FAM156A: variants seen among roughly 807,000 people sequenced by gnomAD.
The protein encoded by FAM156A is protein FAM156A/FAM156B.
intron 1 of FAM156A, among the ~76,000 whole-genome samples, chrX:52,978,935 G>A (rs1269947250): frequency 2.7e-5 from 3 of 112,109 alleles, no homozygotes; most frequent in African/African-American, 9.7e-5. Context: ...TAGAACCTAG[G>A]ATCTTTTAAA....
At chrX:52,977,103 C>T (rs868936921) in intron 1 of FAM156A, among the ~76,000 whole-genome samples, 5 of 96,385 alleles carry the variant, frequency 5.2e-5, no homozygotes, top group African/African-American at 1.5e-4. Context: ...CACACACACA[C>T]ACATATATAT....
At chrX:52,993,163 C>G (rs1376765317) in intron 1 of FAM156A, among the ~76,000 whole-genome samples, 2 of 111,041 alleles carry the variant, frequency 1.8e-5, no homozygotes, top group African/African-American at 6.6e-5. Context: ...CTTGGATGAG[C>G]CTTTCTTTAC....
intron 1 of FAM156A, among the ~76,000 whole-genome samples, chrX:52,990,763 G>A (rs1930649854): frequency 3.1e-5 from 3 of 98,347 alleles, no homozygotes; most frequent in South Asian, 4.4e-4. Flanking sequence ...CAGAGTGGGC[G>A]ATAGAGTGAG....
chrX:52,990,797 GAAAGAAAAGAAAAGAAAAGAAAAGA>G (rs782744600), intron 1 of FAM156A, among the ~76,000 whole-genome samples: 64 of 69,594 alleles, frequency 9.2e-4, no homozygotes, highest in East Asian at 3.2e-3. Flanking sequence ...GAAAAGAAAA[GAAAGAAAAGAAAAGAAAAGAAAAGA>G]AAAGAAAAGA....
chrX:52,984,932 T>C (rs1257972994), intron 1 of FAM156A, among the ~76,000 whole-genome samples: 3 of 109,531 alleles, frequency 2.7e-5, no homozygotes, highest in Non-Finnish European at 5.7e-5. Context: ...GAGGAAAAGA[T>C]GAACAAATTT....
At chrX:52,978,350 A>G (rs1929631766) in intron 1 of FAM156A, among the ~76,000 whole-genome samples, 1 of 112,072 alleles carries the variant, frequency 8.9e-6, no homozygotes, top group South Asian at 3.7e-4. Flanking sequence ...CTTAGAATTT[A>G]TTGGAAACTG....
intron 1 of FAM156A, among the ~76,000 whole-genome samples, chrX:52,984,516 T>A (rs2146615074): frequency 8.9e-6 from 1 of 112,284 alleles, no homozygotes; most frequent in East Asian, 2.8e-4. Flanking sequence ...CTAAGGGAAG[T>A]CTCAGGCTTC....
intron 1 of FAM156A, among the ~76,000 whole-genome samples, chrX:52,977,087 T>TACAC (rs1256059149): frequency 1.6e-4 from 15 of 93,992 alleles, no homozygotes; most frequent in Non-Finnish European, 2.4e-4. Flanking sequence ...TACATATATA[T>TACAC]ACACACACAC....
At chrX:52,993,938 T>C (rs372272533) in intron 1 of FAM156A, among the ~76,000 whole-genome samples, 1 of 110,945 alleles carries the variant, frequency 9.0e-6, no homozygotes, top group African/African-American at 3.3e-5. Flanking sequence ...CCCTCCAAGA[T>C]GGATATTGGC....
chrX:52,990,519 C>T (rs368866664), intron 1 of FAM156A, among the ~76,000 whole-genome samples: 1 of 111,293 alleles, frequency 9.0e-6, no homozygotes, highest in Non-Finnish European at 1.9e-5. Context: ...TACGGTGGCT[C>T]ATGCCTGTAA....
chrX:52,982,247 A>G, intron 1 of FAM156A, among the ~76,000 whole-genome samples: 1 of 112,617 alleles, frequency 8.9e-6, no homozygotes, highest in South Asian at 3.6e-4. Context: ...TGATGTCAGG[A>G]GTTCAAGACC....
chrX:52,974,200 C>A (rs1308427469), intron 1 of FAM156A, among the ~76,000 whole-genome samples: 1 of 111,845 alleles, frequency 8.9e-6, no homozygotes, highest in African/African-American at 3.3e-5. Flanking sequence ...CATAGGTAGA[C>A]ATATAATGTA....
At chrX:52,978,159 G>A (rs1212230855) in intron 1 of FAM156A, among the ~76,000 whole-genome samples, 1 of 111,151 alleles carries the variant, frequency 9.0e-6, no homozygotes, top group African/African-American at 3.3e-5. Flanking sequence ...ACCCTGTAAG[G>A]AAAGCTGAAT....
rs374446208 is a variant in FAM156A at position 52,983,762 on chromosome X, G to A, written c.-434+11544C>T. On this transcript the variant is annotated intron_variant, in intron 1 of 4. Transcript: ENST00000610625. Reference sequence around the variant, plus strand: ...CACAATCTCCGGCATGGCAAAAGACGCCAAGGAATGCAGTGATCCAAGTCT... The same window carrying A: ...CACAATCTCCGGCATGGCAAAAGACACCAAGGAATGCAGTGATCCAAGTCT... Among the ~76,000 whole-genome samples the A allele has an allele frequency of 8.0e-5, 9 of 112,240 alleles. No individual in the cohort carries two copies. In the East Asian group the frequency reaches 1.7e-3, roughly 21 times the overall value.
Position 52,992,448 on chromosome X carries a change from G to A in FAM156A, c.-434+2858C>T, listed in dbSNP as rs1190739691. 7.3e-4 allele frequency among the ~76,000 whole-genome samples: 81 copies of A among 111,487 alleles called. 1 individual carries two copies. The highest frequency in any genetic ancestry group is 3.8e-5 in the Non-Finnish European group (2 of 53,012). On this transcript the variant is annotated intron_variant, in intron 1 of 4. Coordinates refer to the FAM156A transcript ENST00000610625. ...GCCTCTGGAGCCTCCAGGATAGAAGGCAAGACCTGGAGCCCAGGGGAGGTT... is the reference window on the plus strand; with the variant it reads ...GCCTCTGGAGCCTCCAGGATAGAAGACAAGACCTGGAGCCCAGGGGAGGTT...
intron 1 of FAM156A, among the ~76,000 whole-genome samples, chrX:52,975,149 G>A (rs1327533466): frequency 2.0e-4 from 22 of 109,502 alleles, no homozygotes; most frequent in Admixed American, 5.9e-4. Context: ...CACCTGACCT[G>A]CATTAGGAGG....
At chrX:52,986,776 C>T (rs1556794517) in intron 1 of FAM156A, among the ~76,000 whole-genome samples, 1 of 111,651 alleles carries the variant, frequency 9.0e-6, no homozygotes, top group Admixed American at 9.6e-5. Context: ...ACTGCTTTCT[C>T]CATAACATCA....
At chrX:52,989,805 G>A (rs1335843225) in intron 1 of FAM156A, among the ~76,000 whole-genome samples, 4 of 111,868 alleles carry the variant, frequency 3.6e-5, no homozygotes, top group Non-Finnish European at 7.5e-5. Context: ...CCCAGGCTCT[G>A]TTGGAGCCTG....
At chrX:52,975,411 C>T (rs115181893) in intron 1 of FAM156A, among the ~76,000 whole-genome samples, 9,763 of 111,519 alleles carry the variant, frequency 0.088, 446 homozygotes, top group Non-Finnish European at 0.13. Flanking sequence ...ACCACAGTAA[C>T]GGAGCACGCC....
Sources: allele counts gnomAD v4.1 joint callset (sites outside exome capture counted in the v4.1 genomes callset), GRCh38; gene constraint gnomAD v4.1.1; transcripts MANE v1.5; gene names NCBI Gene and HGNC (gene_info 2026-07-23, HGNC 2026-07-21).